Variants in EIF4G3 observed in about 807,000 individuals in gnomAD.
EIF4G3 encodes the protein eukaryotic translation initiation factor 4 gamma 3.
A neutral mutation model predicts 186.4 loss-of-function variants in EIF4G3; 34 were observed. The ratio of observed to expected loss-of-function variants is 0.18; its 90% CI spans 0.14 to 0.24. The LOEUF (loss-of-function observed/expected upper bound fraction) is 0.24. Among genes scored for constraint, EIF4G3 ranks in the 10% least tolerant of loss-of-function variants. The pLI is 1.00. For synonymous variants in EIF4G3, 673 were observed against 679.5 expected, an observed-to-expected ratio of 0.99 and a Z score of 0.15; for missense variants, 1,536 against 1,948.5, an observed-to-expected ratio of 0.79 and a Z score of 3.99.
intron 34 of EIF4G3, among the ~76,000 whole-genome samples, chr1:20,813,947 GTTT>G (rs576925301): frequency 1.4e-3 from 108 of 77,342 alleles, no homozygotes; most frequent in Middle Eastern, 0.011. Flanking sequence ...ATGAGTCACT[GTTT>G]TTTTTTTTTT....
At chr1:21,175,955 G>A (rs1342180330) in intron 2 of EIF4G3, 1 of 237,082 alleles carries the variant, frequency 4.2e-6, no homozygotes, top group Non-Finnish European at 8.0e-6. Context: ...TGGCCAAGTG[G>A]GGCTAGCTTT....
chr1:21,087,360 C>T (rs979575800), intron 3 of EIF4G3, among the ~76,000 whole-genome samples: 13 of 152,270 alleles, frequency 8.5e-5, no homozygotes, highest in Non-Finnish European at 1.3e-4. Flanking sequence ...TGGTGGCTCA[C>T]GCCTGTAATC....
intron 4 of EIF4G3, among the ~76,000 whole-genome samples, chr1:21,048,748 C>A (rs1171277859): frequency 6.6e-6 from 1 of 152,142 alleles, no homozygotes; most frequent in Admixed American, 6.5e-5. Flanking sequence ...CAGTAACTTC[C>A]ACTGAAATGG....
At chr1:21,142,192 G>A (rs1264686796) in intron 2 of EIF4G3, among the ~76,000 whole-genome samples, 1 of 151,652 alleles carries the variant, frequency 6.6e-6, no homozygotes, top group Non-Finnish European at 1.5e-5. Flanking sequence ...GAAAAAACAT[G>A]TATTAGGAAT....
At chr1:20,951,382 T>G (rs2096211076) in intron 12 of EIF4G3, among the ~76,000 whole-genome samples, 1 of 152,104 alleles carries the variant, frequency 6.6e-6, no homozygotes, top group Non-Finnish European at 1.5e-5. Context: ...ATGTTCATAT[T>G]CCACAATTCT....
chr1:21,062,747 G>A (rs1281051728), intron 3 of EIF4G3, among the ~76,000 whole-genome samples: 2 of 152,012 alleles, frequency 1.3e-5, no homozygotes, highest in African/African-American at 4.8e-5. Flanking sequence ...GTGCCACCAC[G>A]CCTGGCTAAT....
At chr1:21,068,621 G>A (rs1345967542) in intron 3 of EIF4G3, among the ~76,000 whole-genome samples, 1 of 152,020 alleles carries the variant, frequency 6.6e-6, no homozygotes, top group South Asian at 2.1e-4. Context: ...ACACTACCTG[G>A]ATAACTTTGG....
intron 30 of EIF4G3, among the ~76,000 whole-genome samples, chr1:20,836,493 C>A (rs149523229): frequency 2.6e-5 from 4 of 152,310 alleles, no homozygotes; most frequent in Non-Finnish European, 5.9e-5. Context: ...GCCATCCTCC[C>A]ATCTTAGCCT....
chr1:20,918,134 G>A (rs779629843), intron 14 of EIF4G3, among the ~76,000 whole-genome samples: 1 of 151,956 alleles, frequency 6.6e-6, no homozygotes, highest in Non-Finnish European at 1.5e-5. Flanking sequence ...GGTGAACCTT[G>A]CCTCAGCACT....
intron 2 of EIF4G3, among the ~76,000 whole-genome samples, chr1:21,135,951 A>G (rs112354195): frequency 3.9e-5 from 6 of 152,114 alleles, no homozygotes; most frequent in Non-Finnish European, 5.9e-5. Flanking sequence ...TGGGAGGCCG[A>G]GGCGGGTGGA....
chr1:20,825,587 G>A (rs1169392527), intron 32 of EIF4G3, among the ~76,000 whole-genome samples: 2 of 152,200 alleles, frequency 1.3e-5, no homozygotes, highest in Admixed American at 6.5e-5. Flanking sequence ...ATTGATTTAT[G>A]AGGTGACTAA....
intron 2 of EIF4G3, among the ~76,000 whole-genome samples, chr1:21,107,568 A>G (rs1238358206): frequency 6.6e-6 from 1 of 152,254 alleles, no homozygotes; most frequent in Non-Finnish European, 1.5e-5. Flanking sequence ...AGGGGTCTCC[A>G]CAAGTTAGCT....
intron 11 of EIF4G3, among the ~76,000 whole-genome samples, chr1:20,970,986 T>C (rs769662221): frequency 8.7e-4 from 133 of 152,134 alleles, no homozygotes; most frequent in Non-Finnish European, 1.5e-3. Flanking sequence ...ATGAGGCAGA[T>C]CTACATGAAC....
chr1:20,984,203 G>A (rs909343812), intron 7 of EIF4G3, among the ~76,000 whole-genome samples: 10 of 151,834 alleles, frequency 6.6e-5, no homozygotes, highest in African/African-American at 2.2e-4. Context: ...GTCTTGCTCT[G>A]TCGCCCAGGC....
At chr1:21,059,671 A>G (rs1557760218) in intron 3 of EIF4G3, among the ~76,000 whole-genome samples, 2 of 152,186 alleles carry the variant, frequency 1.3e-5, no homozygotes, top group Non-Finnish European at 2.9e-5. Context: ...CTTAAAAAAG[A>G]AAAATAATTT....
intron 12 of EIF4G3, among the ~76,000 whole-genome samples, chr1:20,955,111 GGA>G (rs2096370935): frequency 2.0e-5 from 3 of 152,214 alleles, no homozygotes; most frequent in African/African-American, 7.2e-5. Context: ...GAGGCAGGCA[GGA>G]GTCAGGCAGA....
chr1:20,864,785 G>T (rs2077188440), intron 21 of EIF4G3, 73 bp from the exon 22 acceptor site: 1 of 1,252,516 alleles, frequency 8.0e-7, no homozygotes, highest in Non-Finnish European at 1.1e-6. Flanking sequence ...GAGATTCATG[G>T]GGTCAGAATC....
chr1:20,970,509 A>T (rs1392374998), intron 11 of EIF4G3, among the ~76,000 whole-genome samples: 1 of 152,144 alleles, frequency 6.6e-6, no homozygotes, highest in Non-Finnish European at 1.5e-5. Flanking sequence ...GCTACTCAGG[A>T]GGCTGAGGCA....
At chr1:21,030,824 A>G (rs1362377935) in intron 4 of EIF4G3, among the ~76,000 whole-genome samples, 1 of 152,160 alleles carries the variant, frequency 6.6e-6, no homozygotes, top group Non-Finnish European at 1.5e-5. Flanking sequence ...GCAGATCTAG[A>G]CTGTGTCCAT....
Sources: gnomAD v4.1 joint callset for allele counts (sites outside exome capture counted in the v4.1 genomes callset) on GRCh38, gnomAD v4.1.1 for gene constraint, MANE v1.5 for transcripts, NCBI Gene and HGNC (gene_info 2026-07-23, HGNC 2026-07-21) for gene names.